The following SCN7A variants were observed in gnomAD, a reference collection of about 807,000 sequenced individuals.
The protein encoded by SCN7A is sodium voltage-gated channel alpha subunit 7.
Under a neutral mutation model 155.2 loss-of-function variants are expected in SCN7A, and 138 were observed. The ratio of observed to expected loss-of-function variants is 0.89; its 90% confidence interval spans 0.77 to 1.02. SCN7A has a LOEUF of 1.02. Among genes scored for constraint, SCN7A ranks in the 50% least tolerant of loss-of-function variants. The probability of loss-of-function intolerance (pLI) is 0.00; values close to 1 mark genes in which losing one functional copy is unlikely to be tolerated. For missense variants in SCN7A, 2,058 were observed against 1,986.6 expected (o/e 1.04, Z -0.68); for synonymous variants, 693 against 649.0 (o/e 1.07, Z -1.03).
intron 25 of SCN7A, among the ~76,000 whole-genome samples, chr2:166,408,104 T>A (rs901260506): frequency 9.2e-5 from 14 of 151,998 alleles, no homozygotes; most frequent in Non-Finnish European, 1.6e-4. Context: ...TTCCTCAGGT[T>A]AGAAAGAAAA....
chr2:166,480,477 AC>A (rs1255597661), intron 2 of SCN7A, among the ~76,000 whole-genome samples: 4 of 148,478 alleles, frequency 2.7e-5, no homozygotes, highest in African/African-American at 9.8e-5. Flanking sequence ...AAACAAAAAA[AC>A]AAAAAAACAA....
intron 23 of SCN7A, among the ~76,000 whole-genome samples, chr2:166,411,179 G>A (rs1701194998): frequency 6.6e-6 from 1 of 151,904 alleles, no homozygotes; most frequent in African/African-American, 2.4e-5. Flanking sequence ...AGTTAGCCAT[G>A]GTCAACCACA....
At chr2:166,449,499 G>A (rs1702134257) in intron 11 of SCN7A, among the ~76,000 whole-genome samples, 1 of 152,024 alleles carries the variant, frequency 6.6e-6, no homozygotes, top group Admixed American at 6.6e-5. Context: ...TATCAGTCAA[G>A]CCCCCTGTAA....
Position 166,492,395 on chromosome 2 carries a change from C to G in SCN7A, c.-128+1573G>C, listed in dbSNP as rs531029344. On this transcript the variant is annotated intron_variant, in intron 1 of 25. Transcript: ENST00000643258. ...ATTTATGCCTAAATTTTGATTTCTC[C>G]TATGTTAAGTAACGGGCCAAATACA... 3.8e-4 allele frequency among the ~76,000 whole-genome samples: 58 copies of G among 152,222 alleles called. 1 individual carries two copies. Among genetic ancestry groups the G allele is most frequent in the Middle Eastern group, 3.4e-3 (1 of 294 alleles).
At chr2:166,489,299 A>G (rs1683026467) in intron 1 of SCN7A, among the ~76,000 whole-genome samples, 1 of 152,352 alleles carries the variant, frequency 6.6e-6, no homozygotes, top group South Asian at 2.1e-4. Context: ...TGTATACGTT[A>G]GCATGTGCAT....
At chr2:166,409,126 C>T (rs895257553) in intron 25 of SCN7A, among the ~76,000 whole-genome samples, 1 of 151,964 alleles carries the variant, frequency 6.6e-6, no homozygotes, top group Non-Finnish European at 1.5e-5. Context: ...GTCTTGTTTA[C>T]TACTGAATTT....
At chr2:166,493,367 CT>C (rs1386175108) in intron 1 of SCN7A, among the ~76,000 whole-genome samples, 2 of 152,194 alleles carry the variant, frequency 1.3e-5, no homozygotes, top group Non-Finnish European at 2.9e-5. Context: ...CACACTATCA[CT>C]TCTAAAAGAA....
Position 166,439,053 on chromosome 2 carries a change from G to GTATATATATATATATA in SCN7A, c.2157+2342_2157+2343insTATATATATATATATA, listed in dbSNP as rs1283353813. Among the ~76,000 whole-genome samples the GTATATATATATATATA allele has an allele frequency of 1.4e-3, 119 of 86,072 alleles. 1 individual carries two copies. The highest frequency in any genetic ancestry group is 5.9e-3 in the African/African-American group (109 of 18,546). The allele number at this position is 86,072 out of a possible 152,430, so 56.5% of individuals were successfully genotyped here. On this transcript the variant is annotated intron_variant, in intron 15 of 25. Transcript: ENST00000643258. ...CACACATACATATATGTGTGTGTGTGTGTATATATATATATATATATATAT... is the reference window on the plus strand; with the variant it reads ...CACACATACATATATGTGTGTGTGTGTATATATATATATATATGTATATATATATATATATATATAT...
At chr2:166,427,675 G>A in intron 18 of SCN7A, 113 bp downstream of exon 18, 1 of 864,920 alleles carries the variant, frequency 1.2e-6, no homozygotes, top group South Asian at 2.7e-5. Context: ...GTGCTATTTG[G>A]TGCTATACTA....
intron 10 of SCN7A, among the ~76,000 whole-genome samples, chr2:166,458,671 T>C (rs1158218390): frequency 1.3e-5 from 2 of 152,208 alleles, no homozygotes; most frequent in Non-Finnish European, 2.9e-5. Context: ...TGCCTACCTA[T>C]ACAAATACTT....
At chr2:166,457,820 C>G (rs1174118411) in intron 10 of SCN7A, among the ~76,000 whole-genome samples, 2 of 151,888 alleles carry the variant, frequency 1.3e-5, no homozygotes, top group Non-Finnish European at 2.9e-5. Context: ...TATAAAATAT[C>G]CATTGATTTA....
At position 166,414,147 on chromosome 2, in the gene SCN7A, A is replaced by G. The variant is rs1313436860; in HGVS notation, c.3415-1026T>C. Among the ~76,000 whole-genome samples, 18 of 68,668 alleles carry G rather than the reference A, an allele frequency of 2.6e-4. 1 individual carries two copies. Among genetic ancestry groups the G allele is most frequent in the African/African-American group, 7.8e-4 (12 of 15,306 alleles). The allele number at this position is 68,668 out of a possible 152,430, so 45.0% of individuals were successfully genotyped here. A position where few individuals can be genotyped will look rare whatever the true frequency, so the allele number is the denominator to read the frequency against. Reference sequence around the variant, plus strand: ...ATATATTATATATATGTAAATATATATAAATATATATAATATATTATATAT... The same window carrying G: ...ATATATTATATATATGTAAATATATGTAAATATATATAATATATTATATAT... On this transcript the variant is annotated intron_variant, in intron 21 of 25. Coordinates refer to ENST00000643258, the MANE Select transcript of SCN7A (RefSeq NM_002976.4).
rs1574998325 is a variant in SCN7A at position 166,409,848 on chromosome 2, C to T, written c.3799G>A (p.Ala1267Thr). ...VMVLICFQAI[A>T]MMIDTDVQSL... is the part of the protein sequence containing the mutation. ...TGAACATCAGTGTCTATCATCATGGCTATTGCTTGGAAACATATAAGAACC... is the reference window on the plus strand; with the variant it reads ...TGAACATCAGTGTCTATCATCATGGTTATTGCTTGGAAACATATAAGAACC... Residue 1267 changes from alanine to threonine, a missense_variant, in exon 25 of 26, where the codon GCC becomes ACC. Ala to Thr is a moderately conservative substitution (Grantham distance 58). Transcript: ENST00000643258. The T allele has an allele frequency of 6.4e-7, 1 of 1,570,784 alleles. No individual in the cohort carries two copies. Among genetic ancestry groups the T allele is most frequent in the East Asian group, 2.3e-5 (1 of 43,046 alleles).
intron 1 of SCN7A, among the ~76,000 whole-genome samples, chr2:166,489,014 A>C (rs1037246838): frequency 2.6e-5 from 4 of 152,208 alleles, no homozygotes; most frequent in Non-Finnish European, 5.9e-5. Context: ...CTGAAGTTTG[A>C]GAAGTCATAT....
intron 15 of SCN7A, among the ~76,000 whole-genome samples, chr2:166,438,972 AATAT>A (rs3058347): frequency 1.4e-5 from 2 of 141,038 alleles, no homozygotes; most frequent in African/African-American, 5.3e-5. Flanking sequence ...TGTTTAGGCA[AATAT>A]ATATATATAT....
At position 166,431,342 on chromosome 2, in the gene SCN7A, T is replaced by C. The variant is rs549326753; in HGVS notation, c.2592+976A>G. On this transcript the variant is annotated intron_variant, in intron 16 of 25. Coordinates refer to ENST00000643258, the MANE Select transcript of SCN7A (RefSeq NM_002976.4). ...TAGGTGATGGAAGGACCTTGGATAA[T>C]TGAAACTGAATTCCTCTTAGAAGAC... is the stretch of plus-strand genomic sequence containing the variant. 3.3e-5 allele frequency among the ~76,000 whole-genome samples: 5 copies of C among 152,236 alleles called. No homozygotes were observed. In the East Asian group the frequency reaches 5.8e-4, roughly 18 times the overall value.
intron 10 of SCN7A, among the ~76,000 whole-genome samples, chr2:166,457,340 G>A (rs932677987): frequency 3.3e-5 from 5 of 152,130 alleles, no homozygotes; most frequent in African/African-American, 1.2e-4. Flanking sequence ...GTAAGTATTC[G>A]ATTTTTATGT....
intron 21 of SCN7A, among the ~76,000 whole-genome samples, chr2:166,414,103 T>TTATATATGTAAA (rs1701277258): frequency 6.3e-5 from 4 of 63,022 alleles, no homozygotes; most frequent in South Asian, 4.5e-4. Context: ...ATATAATATA[T>TTATATATGTAAA]TATATATAAA....
At chr2:166,437,160 G>T (rs372612792) in intron 15 of SCN7A, among the ~76,000 whole-genome samples, 3 of 152,318 alleles carry the variant, frequency 2.0e-5, no homozygotes, top group East Asian at 1.9e-4. Flanking sequence ...TGGTTTTGGA[G>T]TCTGGGCCCA....
Sources: allele counts gnomAD v4.1 joint callset (sites outside exome capture counted in the v4.1 genomes callset), GRCh38; gene constraint gnomAD v4.1.1; transcripts MANE v1.5; gene names NCBI Gene and HGNC (gene_info 2026-07-23, HGNC 2026-07-21).